The following GRK3 variants were observed in gnomAD, a reference collection of about 807,000 sequenced individuals.
GRK3 encodes G protein-coupled receptor kinase 3.
Under a neutral mutation model 95.7 loss-of-function variants are expected in GRK3, and 54 were observed. The observed-to-expected ratio is 0.56, with a 90% CI of 0.45 to 0.71. The LOEUF (loss-of-function observed/expected upper bound fraction) is 0.71, where lower values mean the gene tolerates loss of function less well. GRK3 is among the 30% of genes least tolerant of loss of function. The pLI is 0.00. For synonymous variants in GRK3, 281 were observed against 290.8 expected, an observed-to-expected ratio of 0.97 and a Z score of 0.34; for missense variants, 649 against 851.2, an observed-to-expected ratio of 0.76 and a Z score of 2.96.
chr22:25,648,987 C>G (rs2084808390), intron 3 of GRK3: 1 of 1,062,434 alleles, frequency 9.4e-7, no homozygotes. Flanking sequence ...TGGAATTCTA[C>G]AGACAGAACT....
intron 18 of GRK3, among the ~76,000 whole-genome samples, chr22:25,717,004 C>A (rs1283007699): frequency 6.6e-6 from 1 of 152,208 alleles, no homozygotes; most frequent in Non-Finnish European, 1.5e-5. Context: ...AACCCAAAAC[C>A]ATTCCCCCAT....
chr22:25,714,515 A>G lies in GRK3; in HGVS notation c.1599A>G (p.Thr533=), dbSNP rs2146468433. The change falls in exon 18 of 21, where the codon ACA becomes ACG. Residue 533 remains threonine, a synonymous_variant. Coordinates refer to ENST00000324198, the MANE Select transcript of GRK3 (RefSeq NM_005160.4). ...ETVYEAVNAD[T]DKIEARKRAK... The stretch of plus-strand genomic sequence containing the variant: ...TTTATGAAGCAGTAAATGCAGACAC[A>G]GATAAAATCGAGGCCAGGAAGAGAG... 6.2e-7 allele frequency: 1 copy of G among 1,613,614 alleles called. No individual in the cohort carries two copies. Among genetic ancestry groups the G allele is most frequent in the Non-Finnish European group, 8.5e-7 (1 of 1,179,776 alleles).
chr22:25,691,095 A>G (rs2085161619), intron 12 of GRK3, among the ~76,000 whole-genome samples: 1 of 152,172 alleles, frequency 6.6e-6, no homozygotes. Context: ...CTGCAGAAAC[A>G]CCATGGAACG....
intron 2 of GRK3, among the ~76,000 whole-genome samples, chr22:25,643,513 C>A (rs1294979453): frequency 6.6e-6 from 1 of 152,224 alleles, no homozygotes; most frequent in African/African-American, 2.4e-5. Context: ...AATTCTGGTC[C>A]ACTTCATCTC....
chr22:25,577,688 G>A (rs980480129), intron 1 of GRK3, among the ~76,000 whole-genome samples: 2 of 152,042 alleles, frequency 1.3e-5, no homozygotes, highest in Non-Finnish European at 2.9e-5. Context: ...GCTTTTCCTC[G>A]TCAGCAGTAT....
intron 3 of GRK3, chr22:25,648,150 C>A: frequency 1.5e-6 from 1 of 649,948 alleles, no homozygotes. Context: ...CAAAACAAAA[C>A]AAAAACGAGA....
rs74972286 is a variant in GRK3 at position 25,636,872 on chromosome 22, G to A, written c.191-7720G>A. On this transcript the variant is annotated intron_variant, in intron 2 of 20. Transcript: ENST00000324198. ...ATGTCTGACATTTACTGATGGTGAT[G>A]GTAAAGTTTCGTAGTCAACCTGGCT... Among the ~76,000 whole-genome samples, 232 of 152,278 alleles carry A rather than the reference G, an allele frequency of 1.5e-3. 3 individuals carry two copies. The highest frequency in any genetic ancestry group is 5.0e-3 in the African/African-American group (207 of 41,556).
intron 2 of GRK3, among the ~76,000 whole-genome samples, chr22:25,615,441 A>G: frequency 6.6e-6 from 1 of 152,192 alleles, no homozygotes; most frequent in South Asian, 2.1e-4. Context: ...CTGGTTTTAG[A>G]TTTTTTTGGA....
chr22:25,601,324 A>G lies in GRK3; in HGVS notation c.114-3053A>G, dbSNP rs145776982. Among the ~76,000 whole-genome samples, 1,073 of 152,354 alleles carry G rather than the reference A, an allele frequency of 7.0e-3. 52 individuals are homozygous for G. The highest frequency in any genetic ancestry group is 0.068 in the Admixed American group (1,034 of 15,294). On this transcript the variant is annotated intron_variant, in intron 1 of 20. Coordinates refer to ENST00000324198, the MANE Select transcript of GRK3 (RefSeq NM_005160.4). ...ATTCAAAGTGTGTTTTCTGACCATG[A>G]AAGAATTAAAGTAAAATTTAATAAC...
At position 25,705,492 on chromosome 22, in the gene GRK3, G is replaced by C. The variant is rs553154318; in HGVS notation, c.1328+1283G>C. Among the ~76,000 whole-genome samples, 10 of 152,182 alleles carry C rather than the reference G, an allele frequency of 6.6e-5. No homozygotes were observed. The East Asian group carries it at 1.9e-3, about 29-fold the overall frequency. ...TGCATATAGGTTAATTTCAAAAGTT[G>C]CAAATGAAGAAGGGGTATTTACACT... On this transcript the variant is annotated intron_variant, in intron 15 of 20. Transcript: ENST00000324198.
chr22:25,647,105 A>T (rs944172087), intron 3 of GRK3, among the ~76,000 whole-genome samples: 18 of 152,008 alleles, frequency 1.2e-4, no homozygotes, highest in African/African-American at 4.3e-4. Flanking sequence ...CCAGCCTAGA[A>T]TTCTATTCCC....
intron 1 of GRK3, among the ~76,000 whole-genome samples, chr22:25,595,469 A>G (rs367732511): frequency 1.5e-4 from 23 of 152,346 alleles, no homozygotes; most frequent in African/African-American, 5.3e-4. Context: ...GTATTAGACA[A>G]CCAGCCACAT....
chr22:25,595,770 G>T (rs1302234294), intron 1 of GRK3, among the ~76,000 whole-genome samples: 1 of 151,700 alleles, frequency 6.6e-6, no homozygotes, highest in Non-Finnish European at 1.5e-5. Flanking sequence ...AACATAGTGA[G>T]ACTCTGTCTC....
intron 9 of GRK3, among the ~76,000 whole-genome samples, chr22:25,679,266 A>G (rs1182699583): frequency 2.6e-5 from 4 of 152,234 alleles, no homozygotes; most frequent in African/African-American, 9.6e-5. Flanking sequence ...GGGGAAAAGT[A>G]AGAGAAAAGT....
At chr22:25,696,811 T>C (rs1190147020) in intron 13 of GRK3, among the ~76,000 whole-genome samples, 1 of 152,278 alleles carries the variant, frequency 6.6e-6, no homozygotes, top group Non-Finnish European at 1.5e-5. Context: ...TAAAATTGTA[T>C]TATTGCTTAG....
chr22:25,599,052 A>G (rs13057372), intron 1 of GRK3, among the ~76,000 whole-genome samples: 3,668 of 152,282 alleles, frequency 0.024, 47 homozygotes, highest in East Asian at 0.037. Context: ...TTTATCTCCT[A>G]CCATACTCCC....
At chr22:25,621,401 A>G (rs926633301) in intron 2 of GRK3, among the ~76,000 whole-genome samples, 4 of 152,154 alleles carry the variant, frequency 2.6e-5, no homozygotes, top group Admixed American at 2.6e-4. Flanking sequence ...TCACATGTTT[A>G]CGTTACCCAT....
intron 2 of GRK3, 93 bp from the exon 3 acceptor site, chr22:25,644,499 G>T: frequency 3.8e-6 from 2 of 524,038 alleles, no homozygotes; most frequent in Non-Finnish European, 6.7e-6. Context: ...GGAGGAAGAG[G>T]TTGAGGTATA....
At chr22:25,698,549 G>A (rs971042318) in intron 13 of GRK3, among the ~76,000 whole-genome samples, 7 of 152,212 alleles carry the variant, frequency 4.6e-5, no homozygotes, top group African/African-American at 1.7e-4. Context: ...GGGAGCAGGG[G>A]AAATACCAGC....
Sources: allele counts gnomAD v4.1 joint callset (sites outside exome capture counted in the v4.1 genomes callset), GRCh38; gene constraint gnomAD v4.1.1; transcripts MANE v1.5; gene names NCBI Gene and HGNC (gene_info 2026-07-23, HGNC 2026-07-21).